NGLY1: variants seen among roughly 807,000 people sequenced by gnomAD.
NGLY1 encodes N-glycanase 1, also known as peptide-N(4)-(N-acetyl-beta-glucosaminyl)asparagine amidase.
A neutral mutation model predicts 84.6 loss-of-function variants in NGLY1; 68 were observed. That is an observed-to-expected ratio of 0.80 (90% confidence interval 0.66 to 0.98). The LOEUF is 0.98. Among genes scored for constraint, NGLY1 ranks in the 50% least tolerant of loss-of-function variants. The pLI is 0.00. For synonymous variants in NGLY1, 280 were observed against 275.2 expected, an observed-to-expected ratio of 1.02 and a Z score of -0.17; for missense variants, 779 against 770.2, an observed-to-expected ratio of 1.01 and a Z score of -0.14.
chr3:25,744,938 C>T (rs533592027), intron 4 of NGLY1, among the ~76,000 whole-genome samples: 33 of 152,230 alleles, frequency 2.2e-4, no homozygotes, highest in South Asian at 6.2e-4. Flanking sequence ...ACCATTAGCT[C>T]CAGACTGACT....
At chr3:25,786,981 T>C (rs1266392229), upstream of NGLY1, among the ~76,000 whole-genome samples, 1 of 152,214 alleles carries the variant, frequency 6.6e-6, no homozygotes, top group Non-Finnish European at 1.5e-5. Context: ...CCTACTTTCA[T>C]AGAAGTCATA....
intron 6 of NGLY1, 140 bp from the exon 7 acceptor site, chr3:25,736,289 C>T: frequency 6.5e-7 from 1 of 1,550,084 alleles, no homozygotes; most frequent in Non-Finnish European, 8.7e-7. Flanking sequence ...CATTTTGTGG[C>T]ACACAGGATT....
chr3:25,755,577 A>G, intron 3 of NGLY1: 5 of 1,447,766 alleles, frequency 3.5e-6, no homozygotes, highest in Non-Finnish European at 4.9e-6. Context: ...GCCCAAAAAT[A>G]TTCTTATTCC....
At position 25,723,975 on chromosome 3, in the gene NGLY1, G is replaced by A. The variant is rs551597377; in HGVS notation, c.1612-3784C>T. ...ACATATGAGCATATACACCCTTTGC[G>A]TGAGAACAAGACCTGTGTGTCTACG... On this transcript the variant is annotated intron_variant, in intron 10 of 11. Transcript: ENST00000280700. 3.9e-5 allele frequency among the ~76,000 whole-genome samples: 6 copies of A among 152,200 alleles called. No homozygotes were observed. In the East Asian group the frequency reaches 7.7e-4, roughly 20 times the overall value.
intron 10 of NGLY1, among the ~76,000 whole-genome samples, chr3:25,720,757 A>G (rs1337786636): frequency 3.3e-5 from 5 of 152,170 alleles, no homozygotes; most frequent in Non-Finnish European, 7.4e-5. Context: ...TATACTATTT[A>G]AGGCATCTAA....
intron 1 of NGLY1, among the ~76,000 whole-genome samples, chr3:25,788,793 A>T (rs910376764): frequency 6.6e-5 from 10 of 152,384 alleles, no homozygotes; most frequent in African/African-American, 2.4e-4. Context: ...TCACTGAATG[A>T]GGATCAACTA....
intron 1 of NGLY1, among the ~76,000 whole-genome samples, chr3:25,788,538 CTTTTT>C (rs567508826): frequency 2.2e-3 from 339 of 152,238 alleles, no homozygotes; most frequent in Non-Finnish European, 3.8e-3. Context: ...AAATGATGGT[CTTTTT>C]ATTTTTCTGA....
intron 4 of NGLY1, among the ~76,000 whole-genome samples, chr3:25,744,345 A>T (rs1185597011): frequency 6.6e-6 from 1 of 152,222 alleles, no homozygotes; most frequent in Admixed American, 6.5e-5. Flanking sequence ...CCTTCAGTCT[A>T]CCAGGCCAAA....
rs1362717913 is a variant in NGLY1, at chr3:25,732,377, C to T, written c.1367G>A (p.Gly456Glu). The stretch of plus-strand genomic sequence containing the variant: ...AGCCACTGACCCAGATATTCTTCCC[C>T]CAAGTTCTCCAGGTTTAGGGGTTTT... ...SPKTPKPGEL[G>E]GRISGSVAWR... The change falls in exon 9 of 12, where the codon GGG (glycine) becomes GAG (glutamate). Residue 456 changes from glycine (G) to glutamate (E), a missense_variant. Gly to Glu is a moderately conservative substitution (Grantham distance 98). Transcript: ENST00000280700. The T allele has an allele frequency of 6.2e-7, 1 of 1,613,762 alleles. No individual in the cohort carries two copies. Among genetic ancestry groups the T allele is most frequent in the East Asian group, 2.2e-5 (1 of 44,856 alleles).
At chr3:25,745,075 C>T (rs973526996) in intron 4 of NGLY1, among the ~76,000 whole-genome samples, 5 of 152,156 alleles carry the variant, frequency 3.3e-5, no homozygotes, top group Non-Finnish European at 7.4e-5. Context: ...ATATAAGTTT[C>T]CTTCACTTGT....
At chr3:25,747,878 G>A (rs1706519104) in intron 4 of NGLY1, among the ~76,000 whole-genome samples, 1 of 152,242 alleles carries the variant, frequency 6.6e-6, no homozygotes. Context: ...TAGCTTGGGA[G>A]TAAGAAATTC....
chr3:25,766,535 G>A (rs892988358), intron 2 of NGLY1, among the ~76,000 whole-genome samples: 2 of 152,232 alleles, frequency 1.3e-5, no homozygotes, highest in African/African-American at 4.8e-5. Flanking sequence ...AATAGTTGAA[G>A]GGAATGAGCG....
chr3:25,789,769 G>C (rs1378372186), intron 1 of NGLY1: 1 of 1,376,446 alleles, frequency 7.3e-7, no homozygotes, highest in Middle Eastern at 1.8e-4. Context: ...AATTCCAGTA[G>C]AATACGATGG....
intron 3 of NGLY1, among the ~76,000 whole-genome samples, chr3:25,751,980 A>G (rs965192356): frequency 2.6e-5 from 4 of 152,210 alleles, no homozygotes; most frequent in African/African-American, 9.6e-5. Context: ...ACTGTGCAAC[A>G]TGTACTGCCC....
At chr3:25,729,402 G>A (rs1037391370) in intron 9 of NGLY1, 84 bp from the exon 10 acceptor site, 4 of 839,448 alleles carry the variant, frequency 4.8e-6, no homozygotes, top group Non-Finnish European at 6.5e-6. Context: ...AGAGTGGTAA[G>A]AGAATCCTTC....
chr3:25,767,817 CA>C (rs991451854), intron 2 of NGLY1, among the ~76,000 whole-genome samples: 1 of 151,980 alleles, frequency 6.6e-6, no homozygotes, highest in Non-Finnish European at 1.5e-5. Context: ...AAAATCAAAT[CA>C]AGATGGATTA....
rs771648190 is a variant in NGLY1, at chr3:25,778,576, C to G, written c.244G>C (p.Glu82Gln). Residue 82 changes from glutamate (E) to glutamine (Q), a missense_variant and splice_region_variant, in exon 2 of 12, where the codon GAG (glutamate) becomes CAG (glutamine). Physicochemically the swap from Glu to Gln is conservative, Grantham distance 29. Transcript: ENST00000280700. ...VECLFEMGFE[E>Q]GETHLIFPKK... Reference sequence around the variant, plus strand: ...AGGAAATCCTTGAACATACTTACCTCTTCAAAGCCCATTTCAAATAAACAT... The same window carrying G: ...AGGAAATCCTTGAACATACTTACCTGTTCAAAGCCCATTTCAAATAAACAT... 40 of 1,598,314 alleles carry G rather than the reference C, an allele frequency of 2.5e-5. No individual in the cohort carries two copies. Among genetic ancestry groups the G allele is most frequent in the Non-Finnish European group, 3.2e-5 (38 of 1,169,368 alleles).
chr3:25,739,570 C>A lies in NGLY1; in HGVS notation c.881+7G>T. 6.2e-7 allele frequency: 1 copy of A among 1,613,254 alleles called. No homozygotes were observed. Among genetic ancestry groups the A allele is most frequent in the Non-Finnish European group, 8.5e-7 (1 of 1,179,354 alleles). ...ATTATTCTGATTTTACCATCCAGGG[C>A]ACCCACCTTGGGAATCGATTGCTGA... On this transcript the variant is annotated splice_region_variant and intron_variant, in intron 5 of 11. Transcript: ENST00000280700.
chr3:25,724,323 T>C (rs1311494441), intron 10 of NGLY1, among the ~76,000 whole-genome samples: 2 of 152,218 alleles, frequency 1.3e-5, no homozygotes, highest in African/African-American at 4.8e-5. Flanking sequence ...TTCCCACAGA[T>C]ACCCAGCAAA....
Sources: allele counts gnomAD v4.1 joint callset (sites outside exome capture counted in the v4.1 genomes callset), GRCh38; gene constraint gnomAD v4.1.1; transcripts MANE v1.5; gene names NCBI Gene and HGNC (gene_info 2026-07-23, HGNC 2026-07-21).